Variants in TMPRSS6 observed in about 807,000 individuals in gnomAD.
The protein encoded by TMPRSS6 is transmembrane serine protease 6.
In TMPRSS6, 67 loss-of-function variants were observed where a neutral mutation model predicts 101.5. That is an observed-to-expected ratio of 0.66 (90% CI 0.54 to 0.81). The LOEUF is 0.81. Among genes scored for constraint, TMPRSS6 ranks in the 30% least tolerant of loss-of-function variants. The pLI, the probability that TMPRSS6 is intolerant of heterozygous loss-of-function variation, is 0.00. For missense variants in TMPRSS6, 1,034 were observed against 1,088.7 expected (o/e 0.95, Z 0.71); for synonymous variants, 453 against 464.9 (o/e 0.97, Z 0.33).
At chr22:37,078,977 G>GAAAGAAAGAAAGAAAGAAAGAAAGA (rs1928012541) in intron 10 of TMPRSS6, among the ~76,000 whole-genome samples, 5 of 138,190 alleles carry the variant, frequency 3.6e-5, no homozygotes, top group Admixed American at 7.0e-5. Flanking sequence ...GAAAGAAAAA[G>GAAAGAAAGAAAGAAAGAAAGAAAGA]AAAGAAAGAA....
Position 37,084,828 on chromosome 22 carries a change from T to C in TMPRSS6, c.985A>G (p.Asn329Asp), listed in dbSNP as rs945425573. 1 of 1,554,244 alleles carries C rather than the reference T, an allele frequency of 6.4e-7. No homozygotes were observed. Among genetic ancestry groups the C allele is most frequent in the Non-Finnish European group, 8.7e-7 (1 of 1,148,360 alleles). Reference sequence around the variant, plus strand: ...TCGAGCCTGTTGTCCAGCGTCAGGTTCACTTCACAGGCTGGACCAGGAGAG... The same window carrying C: ...TCGAGCCTGTTGTCCAGCGTCAGGTCCACTTCACAGGCTGGACCAGGAGAG... ...QPVVFQACEV[N>D]LTLDNRLDSQ... Residue 329 changes from asparagine (N) to aspartate (D), a missense_variant, in exon 9 of 18, where the codon AAC becomes GAC. Coordinates refer to ENST00000676104, the MANE Select transcript of TMPRSS6 (RefSeq NM_001374504.1).
In TMPRSS6 at chr22:37,096,077, T is replaced by C; in HGVS notation, c.418A>G (p.Thr140Ala). The C allele has an allele frequency of 6.2e-7, 1 of 1,614,106 alleles. No individual in the cohort carries two copies. The highest frequency in any genetic ancestry group is 1.1e-5 in the South Asian group (1 of 91,078). ...SVYSFGEGPL[T>A]CFFWFILQIP... ...TGGAGAATGAACCAGAAGAAGCAGG[T>C]GAGGGGTCCCTCCCTAAGGCAGGCA... is the stretch of plus-strand genomic sequence containing the variant. The change falls in exon 5 of 18, where the codon ACC becomes GCC. Residue 140 changes from threonine to alanine, a missense_variant. By Grantham distance (58) the Thr-to-Ala change is moderately conservative. Transcript: ENST00000676104.
At chr22:37,072,218 G>GGATGGATGGATGGAT (rs563906391) in intron 13 of TMPRSS6, among the ~76,000 whole-genome samples, 2 of 101,212 alleles carry the variant, frequency 2.0e-5, no homozygotes, top group Non-Finnish European at 4.0e-5. Flanking sequence ...GATGGATGAT[G>GGATGGATGGATGGAT]GATGGATGGA....
At chr22:37,095,725 TC>T in intron 5 of TMPRSS6, 133 bp from the exon 6 acceptor site, 1 of 1,218,764 alleles carries the variant, frequency 8.2e-7, no homozygotes, top group Non-Finnish European at 1.2e-6. Flanking sequence ...AATGCCCCCA[TC>T]CCACCCTTCT....
At chr22:37,076,091 GAA>G (rs761920529) in intron 10 of TMPRSS6, among the ~76,000 whole-genome samples, 24 of 152,260 alleles carry the variant, frequency 1.6e-4, no homozygotes, top group Non-Finnish European at 2.1e-4. Flanking sequence ...GAAAGAGAAA[GAA>G]AGAAAGGAAA....
chr22:37,093,690 C>T (rs5750378), intron 6 of TMPRSS6, among the ~76,000 whole-genome samples: 63,698 of 149,154 alleles, frequency 0.43, 13,791 homozygotes, highest in African/African-American at 0.48. Flanking sequence ...GCATGAGCCA[C>T]CATGCCTGGC....
chr22:37,088,619 G>C (rs1277468049), intron 7 of TMPRSS6, among the ~76,000 whole-genome samples: 1 of 150,786 alleles, frequency 6.6e-6, no homozygotes, highest in Non-Finnish European at 1.5e-5. Flanking sequence ...CCAACCACCT[G>C]CCCTCTGATC....
chr22:37,086,547 T>G, intron 7 of TMPRSS6, 128 bp from the exon 8 acceptor site: 1 of 945,208 alleles, frequency 1.1e-6, no homozygotes, highest in Non-Finnish European at 1.6e-6. Context: ...CCGGGTCTCC[T>G]ACCAGAGACC....
chr22:37,087,614 T>C (rs891352902), intron 7 of TMPRSS6, among the ~76,000 whole-genome samples: 29 of 151,864 alleles, frequency 1.9e-4, no homozygotes, highest in African/African-American at 6.8e-4. Context: ...CCTCGTCCCT[T>C]CTTCCTACCA....
chr22:37,087,906 C>T (rs1264786142), intron 7 of TMPRSS6, among the ~76,000 whole-genome samples: 1 of 151,918 alleles, frequency 6.6e-6, no homozygotes, highest in East Asian at 1.9e-4. Flanking sequence ...GAGCAAGGGG[C>T]CACCTGCTCT....
chr22:37,066,341 G>T, intron 17 of TMPRSS6, 103 bp from the exon 18 acceptor site: 1 of 1,202,588 alleles, frequency 8.3e-7, no homozygotes, highest in Non-Finnish European at 1.2e-6. Context: ...AATTGACTGG[G>T]TGCCAGAGTC....
rs779531754 is a variant in TMPRSS6, at chr22:37,066,900, C to G, written c.2176G>C (p.Glu726Gln). ...GGCGTCACCTGGTAGCGATAGACCTCGCTGCACAGGTCCTGTGGGATCAAC... is the reference window on the plus strand; with the variant it reads ...GGCGTCACCTGGTAGCGATAGACCTGGCTGCACAGGTCCTGTGGGATCAAC... ...VQLIPQDLCS[E>Q]VYRYQVTPRM... The change falls in exon 17 of 18, where the codon GAG becomes CAG. Residue 726 changes from glutamate to glutamine, a missense_variant. Transcript: ENST00000676104. 1.2e-6 allele frequency: 2 copies of G among 1,614,148 alleles called. No homozygotes were observed. The highest frequency in any genetic ancestry group is 1.7e-6 in the Non-Finnish European group (2 of 1,180,040).
intron 2 of TMPRSS6, among the ~76,000 whole-genome samples, chr22:37,099,214 G>C (rs1225651456): frequency 1.3e-5 from 2 of 152,228 alleles, no homozygotes; most frequent in Non-Finnish European, 2.9e-5. Context: ...GGTAAGAGAA[G>C]AGGGAGGGAA....
chr22:37,109,200 A>T (rs1296869128), intron 1 of TMPRSS6: 1 of 152,378 alleles, frequency 6.6e-6, no homozygotes, highest in African/African-American at 2.4e-5. Context: ...AGGCAGGGGT[A>T]GGGTGGCCTC....
chr22:37,073,906 G>A (rs1237434136), intron 12 of TMPRSS6, among the ~76,000 whole-genome samples: 2 of 152,062 alleles, frequency 1.3e-5, no homozygotes, highest in East Asian at 3.9e-4. Context: ...CTGCTACCAC[G>A]CCCAGCTAAT....
rs1169642866 is a variant in TMPRSS6 at position 37,084,389 on chromosome 22, A to T, written c.1102T>A (p.Tyr368Asn). Reference protein sequence around the residue: ...SWHLTVPSLDYGLALWFDAYA... With the variant: ...SWHLTVPSLDNGLALWFDAYA... ...GCATCAAACCAGAGGGCCAAGCCGT[A>T]GTCCAGAGAGGGCACCTGGGAGGGA... Residue 368 changes from tyrosine to asparagine, a missense_variant, in exon 10 of 18, where the codon TAC becomes AAC. By Grantham distance (143) the Tyr-to-Asn change is moderately radical. Transcript: ENST00000676104. The T allele has an allele frequency of 6.2e-7, 1 of 1,612,206 alleles. No homozygotes were observed. The highest frequency in any genetic ancestry group is 1.3e-5 in the African/African-American group (1 of 74,882).
At chr22:37,088,115 G>A (rs1243403410) in intron 7 of TMPRSS6, among the ~76,000 whole-genome samples, 1 of 152,074 alleles carries the variant, frequency 6.6e-6, no homozygotes, top group African/African-American at 2.4e-5. Context: ...AGGCTGAGAG[G>A]CACCTGGAGA....
intron 8 of TMPRSS6, among the ~76,000 whole-genome samples, chr22:37,085,767 C>T (rs576867301): frequency 1.3e-5 from 2 of 152,244 alleles, no homozygotes; most frequent in South Asian, 2.1e-4. Context: ...GGCTGTGCTG[C>T]CATCACACCT....
chr22:37,106,702 C>T (rs1437974525), intron 1 of TMPRSS6, among the ~76,000 whole-genome samples: 2 of 152,142 alleles, frequency 1.3e-5, no homozygotes, highest in Non-Finnish European at 2.9e-5. Context: ...AGCTCCCAGC[C>T]ACTTATCATC....
Sources: gnomAD v4.1 joint callset for allele counts (sites outside exome capture counted in the v4.1 genomes callset) on GRCh38, gnomAD v4.1.1 for gene constraint, MANE v1.5 for transcripts, NCBI Gene and HGNC (gene_info 2026-07-23, HGNC 2026-07-21) for gene names.